The following OPCML variants were observed in gnomAD, a reference collection of about 807,000 sequenced individuals.
The protein encoded by OPCML is opioid-binding protein/cell adhesion molecule.
In OPCML, 13 loss-of-function variants were observed where a neutral mutation model predicts 37.8. The observed-to-expected ratio is 0.34, with a 90% confidence interval of 0.22 to 0.55. The LOEUF (loss-of-function observed/expected upper bound fraction) is 0.55, where lower values mean the gene tolerates loss of function less well. OPCML is among the 20% of genes least tolerant of loss of function. OPCML has a pLI of 0.91. For synonymous variants in OPCML, 176 were observed against 168.8 expected (o/e 1.04, Z -0.33); for missense variants, 341 against 435.6 (o/e 0.78, Z 1.93).
At chr11:132,955,006 G>A (rs757307394) in intron 1 of OPCML, among the ~76,000 whole-genome samples, 3 of 152,158 alleles carry the variant, frequency 2.0e-5, no homozygotes, top group Non-Finnish European at 4.4e-5. Context: ...CACAGTGGAG[G>A]GCACTGATGA....
At chr11:133,269,862 C>T (rs964603169) in intron 1 of OPCML, among the ~76,000 whole-genome samples, 1 of 151,878 alleles carries the variant, frequency 6.6e-6, no homozygotes, top group Non-Finnish European at 1.5e-5. Context: ...ACCTCAGCAC[C>T]CCTGTAGTTA....
intron 2 of OPCML, among the ~76,000 whole-genome samples, chr11:132,885,852 C>T (rs1169343481): frequency 6.6e-6 from 1 of 152,144 alleles, no homozygotes; most frequent in Non-Finnish European, 1.5e-5. Context: ...TCCCTGAGTC[C>T]TCATTCCCCC....
At chr11:132,937,592 T>TGGGG (rs200440152) in intron 2 of OPCML, among the ~76,000 whole-genome samples, 23 of 86,790 alleles carry the variant, frequency 2.7e-4, no homozygotes, top group African/African-American at 7.9e-4. Context: ...GTGGCGTGTG[T>TGGGG]GGGGTGTGTG....
intron 1 of OPCML, among the ~76,000 whole-genome samples, chr11:133,281,624 T>C (rs1942160710): frequency 6.6e-6 from 1 of 151,826 alleles, no homozygotes. Context: ...CCTGAAAATA[T>C]GAATGTAGCT....
intron 3 of OPCML, among the ~76,000 whole-genome samples, chr11:132,637,205 A>C (rs1940560313): frequency 6.6e-6 from 1 of 151,834 alleles, no homozygotes; most frequent in South Asian, 2.1e-4. Context: ...TGAAAATATC[A>C]GTCCACAAGA....
At chr11:133,331,895 G>A (rs1032045364) in intron 1 of OPCML, among the ~76,000 whole-genome samples, 7 of 152,034 alleles carry the variant, frequency 4.6e-5, no homozygotes, top group African/African-American at 1.7e-4. Context: ...TTTTTGCTTA[G>A]GATTGCCTTG....
intron 2 of OPCML, among the ~76,000 whole-genome samples, chr11:132,893,416 C>T (rs1220240360): frequency 1.3e-5 from 2 of 152,218 alleles, no homozygotes; most frequent in South Asian, 4.1e-4. Context: ...CTGCTGGGCA[C>T]TCAGCTAGCC....
chr11:133,195,578 T>G (rs1377956296), intron 1 of OPCML, among the ~76,000 whole-genome samples: 1 of 152,194 alleles, frequency 6.6e-6, no homozygotes, highest in East Asian at 1.9e-4. Flanking sequence ...AATCACACAG[T>G]TCATAAAACA....
At chr11:132,849,782 G>C (rs547854513) in intron 2 of OPCML, among the ~76,000 whole-genome samples, 25 of 152,308 alleles carry the variant, frequency 1.6e-4, no homozygotes, top group African/African-American at 6.0e-4. Context: ...GAGTGGGCAT[G>C]GGGTCAGCCA....
At chr11:132,998,694 G>A (rs763737769) in intron 1 of OPCML, among the ~76,000 whole-genome samples, 66 of 152,262 alleles carry the variant, frequency 4.3e-4, no homozygotes, top group Middle Eastern at 3.4e-3. Flanking sequence ...CTCTTGGGAG[G>A]TGATTAGGTC....
chr11:132,980,198 G>A (rs1230375609), intron 1 of OPCML, among the ~76,000 whole-genome samples: 1 of 152,198 alleles, frequency 6.6e-6, no homozygotes. Flanking sequence ...AGTAGATGGG[G>A]TATTTCCTGA....
At chr11:133,007,430 G>GT in intron 1 of OPCML, 4 of 985,416 alleles carry the variant, frequency 4.1e-6, no homozygotes, top group Non-Finnish European at 4.8e-6. Flanking sequence ...GCTGTTACCA[G>GT]TTTTTTATCT....
intron 7 of OPCML, among the ~76,000 whole-genome samples, chr11:132,422,182 C>G (rs1429475840): frequency 6.6e-6 from 1 of 152,040 alleles, no homozygotes; most frequent in Admixed American, 6.6e-5. Flanking sequence ...ACAATTGAAG[C>G]CCTGATATGC....
intron 1 of OPCML, among the ~76,000 whole-genome samples, chr11:133,429,032 T>A (rs1253827574): frequency 3.9e-5 from 6 of 152,150 alleles, no homozygotes; most frequent in Non-Finnish European, 8.8e-5. Context: ...AGAATTAGAC[T>A]CTGATATATA....
chr11:133,492,613 G>C (rs993503222), intron 1 of OPCML, among the ~76,000 whole-genome samples: 24 of 151,670 alleles, frequency 1.6e-4, no homozygotes, highest in African/African-American at 5.3e-4. Flanking sequence ...GAAGAATTAA[G>C]TTGGAGACAA....
intron 4 of OPCML, among the ~76,000 whole-genome samples, chr11:132,455,771 AT>A (rs2096080815): frequency 6.6e-6 from 1 of 151,224 alleles, no homozygotes; most frequent in Non-Finnish European, 1.5e-5. Context: ...AAATTCATTC[AT>A]TCATTCATTC....
chr11:132,557,397 T>C (rs1357310499), intron 3 of OPCML, among the ~76,000 whole-genome samples: 1 of 152,190 alleles, frequency 6.6e-6, no homozygotes, highest in Non-Finnish European at 1.5e-5. Context: ...TTTTCTTTCT[T>C]CCTTGATTAA....
At chr11:132,438,585 G>C (rs1285980409) in intron 4 of OPCML, among the ~76,000 whole-genome samples, 4 of 151,888 alleles carry the variant, frequency 2.6e-5, no homozygotes, top group African/African-American at 9.7e-5. Context: ...GGTGGAAGGT[G>C]GGGACAGTGT....
At chr11:133,201,040 A>G (rs771880706) in intron 1 of OPCML, among the ~76,000 whole-genome samples, 13 of 152,226 alleles carry the variant, frequency 8.5e-5, no homozygotes, top group African/African-American at 1.4e-4. Flanking sequence ...CAGAAATCCG[A>G]GCACTGCATA....
Sources: allele counts gnomAD v4.1 joint callset (sites outside exome capture counted in the v4.1 genomes callset), GRCh38; gene constraint gnomAD v4.1.1; transcripts MANE v1.5; gene names NCBI Gene and HGNC (gene_info 2026-07-23, HGNC 2026-07-21).